DESI2: variants seen among roughly 807,000 people sequenced by gnomAD.
The protein encoded by DESI2 is deubiquitinase DESI2.
A neutral mutation model predicts 24.1 loss-of-function variants in DESI2; 10 were observed. The ratio of observed to expected loss-of-function variants is 0.41; its 90% CI spans 0.26 to 0.70. The LOEUF (loss-of-function observed/expected upper bound fraction) is 0.70, where lower values mean the gene tolerates loss of function less well. Among genes scored for constraint, DESI2 ranks in the 30% least tolerant of loss-of-function variants. The pLI is 0.29. For missense variants in DESI2, 122 were observed against 234.9 expected (o/e 0.52, Z 3.14); for synonymous variants, 71 against 87.7 (o/e 0.81, Z 1.06).
chr1:244,678,160 A>G (rs1208562313), intron 1 of DESI2, among the ~76,000 whole-genome samples: 1 of 152,162 alleles, frequency 6.6e-6, no homozygotes, highest in African/African-American at 2.4e-5. Flanking sequence ...CTGTCTCAGC[A>G]TTTCTTTAGA....
chr1:244,687,793 T>C (rs1015788601), intron 2 of DESI2, among the ~76,000 whole-genome samples: 4 of 152,348 alleles, frequency 2.6e-5, no homozygotes, highest in African/African-American at 9.6e-5. Context: ...GGAGTATTGC[T>C]GTGGGTGGGA....
chr1:244,706,231 G>C lies in DESI2; in HGVS notation c.*442G>C. On this transcript the variant is annotated 3_prime_UTR_variant, in exon 5 of 5. Transcript: ENST00000302550. ...ACAAAAAGGTACTTAAACAGTTATA[G>C]TCACCATCACCTGCTTCAGAATGGT... 1 of 172,394 alleles carries C rather than the reference G, an allele frequency of 5.8e-6. No individual in the cohort carries two copies. The highest frequency in any genetic ancestry group is 1.3e-4 in the South Asian group (1 of 7,662). 10.7% of individuals were successfully genotyped at this position (172,394 alleles called of 1,614,324 possible). A position where few individuals can be genotyped will look rare whatever the true frequency, so the allele number is the denominator to read the frequency against.
At chr1:244,694,628 C>T in intron 4 of DESI2, 1 of 842,470 alleles carries the variant, frequency 1.2e-6, no homozygotes. Flanking sequence ...TGCCACAGGT[C>T]AACTTCTGAA....
chr1:244,663,002 C>T (rs1675900076), intron 1 of DESI2, among the ~76,000 whole-genome samples: 2 of 151,934 alleles, frequency 1.3e-5, no homozygotes, highest in Non-Finnish European at 2.9e-5. Flanking sequence ...ATAGATTCCA[C>T]AAAAATGAAA....
chr1:244,685,702 A>T (rs1676793588), intron 1 of DESI2, among the ~76,000 whole-genome samples: 4 of 152,208 alleles, frequency 2.6e-5, no homozygotes, highest in African/African-American at 7.2e-5. Flanking sequence ...ACTTGAATAA[A>T]CCTAGAACAA....
intron 1 of DESI2, among the ~76,000 whole-genome samples, chr1:244,668,738 A>T (rs1489605263): frequency 2.0e-5 from 3 of 152,246 alleles, no homozygotes; most frequent in Admixed American, 2.0e-4. Flanking sequence ...ACAAAAATGA[A>T]GTTTAATGAA....
At chr1:244,694,739 AC>A (rs1339881344) in intron 4 of DESI2, 7 of 634,632 alleles carry the variant, frequency 1.1e-5, no homozygotes, top group African/African-American at 1.1e-4. Flanking sequence ...TGTGGCTAAG[AC>A]CAGAGAGATT....
At chr1:244,700,634 G>A (rs1677411769) in intron 4 of DESI2, among the ~76,000 whole-genome samples, 1 of 152,144 alleles carries the variant, frequency 6.6e-6, no homozygotes, top group Admixed American at 6.5e-5. Flanking sequence ...CCCACCAGTA[G>A]ATGAAACTAG....
intron 1 of DESI2, among the ~76,000 whole-genome samples, chr1:244,655,643 A>G (rs533766223): frequency 6.6e-6 from 1 of 152,370 alleles, no homozygotes; most frequent in South Asian, 2.1e-4. Flanking sequence ...ACAAGGATGC[A>G]AAGGAGGAGA....
intron 1 of DESI2, among the ~76,000 whole-genome samples, chr1:244,670,220 G>A (rs951465325): frequency 6.6e-6 from 1 of 152,124 alleles, no homozygotes; most frequent in Non-Finnish European, 1.5e-5. Context: ...GCCTCCCACA[G>A]TGCTGGGATT....
In DESI2 at chr1:244,667,336, G is replaced by A. The variant is rs532161503; in HGVS notation, c.42+13981G>A. On this transcript the variant is annotated intron_variant, in intron 1 of 4. Coordinates refer to ENST00000302550, the MANE Select transcript of DESI2 (RefSeq NM_016076.5). The stretch of plus-strand genomic sequence containing the variant: ...CAGCCATTCCAAATGGGAGAAATTG[G>A]CCAAAACAGAGGGGTTAAAGGGCCC... Among the ~76,000 whole-genome samples the A allele has an allele frequency of 6.6e-5, 10 of 152,210 alleles. No individual in the cohort carries two copies. The East Asian group carries it at 1.7e-3, about 26-fold the overall frequency.
At chr1:244,667,074 T>G (rs748503743) in intron 1 of DESI2, among the ~76,000 whole-genome samples, 1 of 152,118 alleles carries the variant, frequency 6.6e-6, no homozygotes, top group African/African-American at 2.4e-5. Context: ...GCTGGGGACA[T>G]AGCCAAACCA....
At chr1:244,662,546 AT>A (rs1332000655) in intron 1 of DESI2, among the ~76,000 whole-genome samples, 1 of 152,146 alleles carries the variant, frequency 6.6e-6, no homozygotes, top group African/African-American at 2.4e-5. Flanking sequence ...TGAAATTTTT[AT>A]CCAGAAAATA....
At chr1:244,705,362 G>A (rs1384668932) in intron 4 of DESI2, among the ~76,000 whole-genome samples, 194 bp from the exon 5 acceptor site, 1 of 152,112 alleles carries the variant, frequency 6.6e-6, no homozygotes, top group African/African-American at 2.4e-5. Context: ...AGGAAGGAAT[G>A]GAGCCAACAG....
rs955862830 is a variant in DESI2 at position 244,706,814 on chromosome 1, G to A, written c.*1025G>A. 6.6e-6 allele frequency: 1 copy of A among 152,622 alleles called. No homozygotes were observed. Among genetic ancestry groups the A allele is most frequent in the African/African-American group, 2.4e-5 (1 of 41,442 alleles). 9.5% of individuals were successfully genotyped at this position (152,622 alleles called of 1,614,324 possible). On this transcript the variant is annotated 3_prime_UTR_variant, in exon 5 of 5. Coordinates refer to ENST00000302550, the MANE Select transcript of DESI2 (RefSeq NM_016076.5). Reference sequence around the variant, plus strand: ...TTATGTACCATGTCAGAAAGAGTATGTTGGCGTTTGTCATGGGACTCATTT... The same window carrying A: ...TTATGTACCATGTCAGAAAGAGTATATTGGCGTTTGTCATGGGACTCATTT...
chr1:244,701,139 C>T (rs915948431), intron 4 of DESI2, among the ~76,000 whole-genome samples: 1 of 137,034 alleles, frequency 7.3e-6, no homozygotes, highest in African/African-American at 2.8e-5. Flanking sequence ...GCAAAAGATG[C>T]GAAATTAGGA....
At chr1:244,686,781 A>C (rs930654415) in intron 2 of DESI2, 112 bp downstream of exon 2, 6 of 612,066 alleles carry the variant, frequency 9.8e-6, no homozygotes, top group Non-Finnish European at 1.7e-5. Flanking sequence ...ATGTTATTAC[A>C]GAAAGTAGAA....
intron 1 of DESI2, among the ~76,000 whole-genome samples, chr1:244,670,042 T>C (rs1676194602): frequency 6.6e-6 from 1 of 152,066 alleles, no homozygotes; most frequent in Non-Finnish European, 1.5e-5. Context: ...CTGCAACCTC[T>C]GCCTCCTGGG....
At chr1:244,666,133 C>T (rs1205297250) in intron 1 of DESI2, among the ~76,000 whole-genome samples, 1 of 152,084 alleles carries the variant, frequency 6.6e-6, no homozygotes, top group Non-Finnish European at 1.5e-5. Flanking sequence ...CATACTTTCT[C>T]CCCATTCCCT....
Sources: allele counts gnomAD v4.1 joint callset (sites outside exome capture counted in the v4.1 genomes callset), GRCh38; gene constraint gnomAD v4.1.1; transcripts MANE v1.5; gene names NCBI Gene and HGNC (gene_info 2026-07-23, HGNC 2026-07-21).